The following FBXO11 variants were observed in gnomAD, a reference collection of about 807,000 sequenced individuals.
FBXO11 encodes the protein F-box only protein 11.
A neutral mutation model predicts 117.0 loss-of-function variants in FBXO11; 13 were observed. The ratio of observed to expected loss-of-function variants is 0.11; its 90% confidence interval spans 0.07 to 0.18. The LOEUF (loss-of-function observed/expected upper bound fraction) is 0.18. FBXO11 is among the 10% of genes least tolerant of loss of function. FBXO11 has a pLI of 1.00. For synonymous variants in FBXO11, 490 were observed against 380.5 expected (o/e 1.29, Z -3.35); for missense variants, 767 against 1,164.4 (o/e 0.66, Z 4.97).
At chr2:47,818,588 G>T (rs550678146) in intron 16 of FBXO11, 191 bp downstream of exon 16, 2 of 527,248 alleles carry the variant, frequency 3.8e-6, no homozygotes, top group Admixed American at 3.1e-5. Context: ...ACATGTGCCA[G>T]TGGCTTCTGT....
chr2:47,839,547 C>A (rs374225717), intron 2 of FBXO11, 47 bp from the exon 3 acceptor site: 78 of 1,604,876 alleles, frequency 4.9e-5, no homozygotes, highest in Middle Eastern at 1.7e-4. Context: ...TCTTATCATC[C>A]ATAATCATTA....
intron 1 of FBXO11, among the ~76,000 whole-genome samples, chr2:47,893,670 C>G (rs1053486258): frequency 7.9e-5 from 12 of 152,164 alleles, no homozygotes; most frequent in African/African-American, 2.9e-4. Context: ...CTAACAAATT[C>G]AAACCTTGCT....
intron 1 of FBXO11, among the ~76,000 whole-genome samples, chr2:47,904,300 A>G (rs1160645099): frequency 1.3e-5 from 2 of 152,246 alleles, no homozygotes; most frequent in African/African-American, 2.4e-5. Flanking sequence ...ACAACCGTAC[A>G]CATAAATACG....
rs115762936 is a variant in FBXO11 at position 47,887,534 on chromosome 2, C to T, written c.232+17955G>A. 4.1e-3 allele frequency among the ~76,000 whole-genome samples: 624 copies of T among 151,906 alleles called. 4 individuals are homozygous for T. Among genetic ancestry groups the T allele is most frequent in the African/African-American group, 0.013 (557 of 41,420 alleles). ...CTTAAGGTGAAGAGTTCAAGACCAA[C>T]CTAGGAGACAAAACAAGACCCTGTC... On this transcript the variant is annotated intron_variant, in intron 1 of 22. Coordinates refer to ENST00000403359, the MANE Select transcript of FBXO11 (RefSeq NM_001190274.2).
At chr2:47,887,306 A>C (rs1357807044) in intron 1 of FBXO11, among the ~76,000 whole-genome samples, 6 of 122,496 alleles carry the variant, frequency 4.9e-5, no homozygotes, top group African/African-American at 1.8e-4. Context: ...GGTGGGGGGG[A>C]GGGGGGAGAC....
chr2:47,892,257 A>G (rs1397394706), intron 1 of FBXO11, among the ~76,000 whole-genome samples: 1 of 152,240 alleles, frequency 6.6e-6, no homozygotes, highest in African/African-American at 2.4e-5. Context: ...AAAGATATGT[A>G]AAAGAATAAC....
At chr2:47,832,548 A>C in intron 10 of FBXO11, 24 bp downstream of exon 10, 1 of 1,607,366 alleles carries the variant, frequency 6.2e-7, no homozygotes, top group Non-Finnish European at 8.5e-7. Flanking sequence ...AAAAAGAAAA[A>C]AACCACACAA....
chr2:47,858,501 G>C, intron 1 of FBXO11, among the ~76,000 whole-genome samples: 1 of 150,212 alleles, frequency 6.7e-6, no homozygotes. Flanking sequence ...GGCCATCATG[G>C]TGTATCCCCG....
intron 19 of FBXO11, chr2:47,809,948 G>T: frequency 2.0e-6 from 1 of 502,154 alleles, no homozygotes; most frequent in Non-Finnish European, 3.5e-6. Flanking sequence ...TTAAATACAT[G>T]ATACTTGGAT....
Position 47,905,623 on chromosome 2 carries a change from G to A in FBXO11, c.98C>T (p.Pro33Leu), listed in dbSNP as rs1558493395. 2.2e-6 allele frequency: 3 copies of A among 1,373,330 alleles called. No individual in the cohort carries two copies. Among genetic ancestry groups the A allele is most frequent in the Non-Finnish European group, 2.8e-6 (3 of 1,059,044 alleles). 85.1% of individuals were successfully genotyped at this position (1,373,330 alleles called of 1,614,324 possible). ...QQQQPPQQPP[P>L]QPPQQQPPQQ... ...GGGCGGCTGCTGCTGGGGCGGCTGC[G>A]GCGGCGGCTGCTGCGGGGGCTGCTG... Residue 33 changes from proline (P) to leucine (L), a missense_variant, in exon 1 of 23, where the codon CCG becomes CTG. Transcript: ENST00000403359.
chr2:47,874,815 AT>A (rs1675878892), intron 1 of FBXO11, among the ~76,000 whole-genome samples: 1 of 150,756 alleles, frequency 6.6e-6, no homozygotes, highest in Admixed American at 6.6e-5. Context: ...GATTATAGGC[AT>A]GTGCCACCAT....
chr2:47,866,850 A>G lies in FBXO11; in HGVS notation c.233-27081T>C, dbSNP rs113708406. 9.8e-5 allele frequency among the ~76,000 whole-genome samples: 15 copies of G among 152,308 alleles called. No individual in the cohort carries two copies. In the South Asian group the frequency reaches 2.1e-3, roughly 21 times the overall value. On this transcript the variant is annotated intron_variant, in intron 1 of 22. Coordinates refer to ENST00000403359, the MANE Select transcript of FBXO11 (RefSeq NM_001190274.2). Reference sequence around the variant, plus strand: ...ATACCCACCCTCCAAACATACTTTGATAACAGCCAGGATTCTCCATGATGA... The same window carrying G: ...ATACCCACCCTCCAAACATACTTTGGTAACAGCCAGGATTCTCCATGATGA...
chr2:47,877,022 G>A (rs887171550), intron 1 of FBXO11, among the ~76,000 whole-genome samples: 1 of 150,820 alleles, frequency 6.6e-6, no homozygotes, highest in Non-Finnish European at 1.5e-5. Flanking sequence ...CACATCTAAT[G>A]ACATCTTACT....
intron 16 of FBXO11, among the ~76,000 whole-genome samples, chr2:47,815,410 C>G (rs992028642): frequency 1.4e-4 from 21 of 152,074 alleles, no homozygotes; most frequent in African/African-American, 4.8e-4. Context: ...GTTTCTAAGA[C>G]CTGCTTTGAG....
At chr2:47,905,062 C>T (rs1435715053) in intron 1 of FBXO11, 1 of 154,076 alleles carries the variant, frequency 6.5e-6, no homozygotes, top group Non-Finnish European at 1.4e-5. Flanking sequence ...ACCCCACCAC[C>T]CGATCGCTCC....
rs920312979 is a variant in FBXO11, at chr2:47,906,238, T to TC, written c.-519dup. The TC allele has an allele frequency of 2.2e-4, 36 of 165,228 alleles. No homozygotes were observed. Among genetic ancestry groups the TC allele is most frequent in the Admixed American group, 3.9e-4 (6 of 15,430 alleles). The allele number at this position is 165,228 out of a possible 1,614,324, so 10.2% of individuals were successfully genotyped here. On this transcript the variant is annotated 5_prime_UTR_variant, in exon 1 of 23. Transcript: ENST00000403359. Reference sequence around the variant, plus strand: ...CCCGGCTCTTTTTTTTCCCTCTTCCTCCCCCCCACACCCCCTGAAAGAGAT... The same window carrying TC: ...CCCGGCTCTTTTTTTTCCCTCTTCCTCCCCCCCCACACCCCCTGAAAGAGAT...
chr2:47,860,843 A>T lies in FBXO11; in HGVS notation c.233-21074T>A, dbSNP rs946923552. Among the ~76,000 whole-genome samples, 284 of 104,184 alleles carry T rather than the reference A, an allele frequency of 2.7e-3. 1 individual carries two copies. Among genetic ancestry groups the T allele is most frequent in the African/African-American group, 9.8e-3 (235 of 24,004 alleles). The allele number at this position is 104,184 out of a possible 152,430, so 68.3% of individuals were successfully genotyped here. A position where few individuals can be genotyped will look rare whatever the true frequency, so the allele number is the denominator to read the frequency against. On this transcript the variant is annotated intron_variant, in intron 1 of 22. Transcript: ENST00000403359. ...AAAAAAAAATCAGTTGTTTTCCCCT[A>T]TTTTTTTTTTTTTTTTTTTTGAGAC...
intron 10 of FBXO11, 36 bp downstream of exon 10, chr2:47,832,536 C>G: frequency 1.9e-6 from 3 of 1,607,212 alleles, no homozygotes; most frequent in Non-Finnish European, 1.7e-6. Flanking sequence ...TAAACATTTT[C>G]TAAAAAGAAA....
Position 47,832,451 on chromosome 2 carries a change from C to G in FBXO11, c.1296G>C (p.Ala432=). 1 of 1,613,564 alleles carries G rather than the reference C, an allele frequency of 6.2e-7. No individual in the cohort carries two copies. Among genetic ancestry groups the G allele is most frequent in the Non-Finnish European group, 8.5e-7 (1 of 1,179,712 alleles). The change falls in exon 11 of 23, where the codon GCG becomes GCC. Residue 432 remains alanine, a synonymous_variant. Transcript: ENST00000403359. ...IYEDNEISNN[A]LAGIWVKNHG... is the part of the protein sequence containing the mutation. ...GATTTTTAACCCAAATCCCAGCTAA[C>G]GCATTATTGGAAATTTCATTATCCT... is the stretch of plus-strand genomic sequence containing the variant.
Sources: gnomAD v4.1 joint callset for allele counts (sites outside exome capture counted in the v4.1 genomes callset) on GRCh38, gnomAD v4.1.1 for gene constraint, MANE v1.5 for transcripts, NCBI Gene and HGNC (gene_info 2026-07-23, HGNC 2026-07-21) for gene names.